The following TENM3 variants were observed in gnomAD, a reference collection of about 807,000 sequenced individuals.
The protein encoded by TENM3 is teneurin transmembrane protein 3.
A neutral mutation model predicts 255.1 loss-of-function variants in TENM3; 63 were observed. That is an observed-to-expected ratio of 0.25 (90% CI 0.20 to 0.30). The LOEUF (loss-of-function observed/expected upper bound fraction) is 0.30. Among genes scored for constraint, TENM3 ranks in the 10% least tolerant of loss-of-function variants. The probability of loss-of-function intolerance (pLI) is 1.00; values close to 1 mark genes in which losing one functional copy is unlikely to be tolerated. For missense variants in TENM3, 2,929 were observed against 3,461.1 expected, an observed-to-expected ratio of 0.85 and a Z score of 3.86; for synonymous variants, 1,306 against 1,322.3, an observed-to-expected ratio of 0.99 and a Z score of 0.27.
the TENM3 span, among the ~76,000 whole-genome samples, chr4:181,582,488 C>T: frequency 1.3e-5 from 2 of 151,824 alleles, no homozygotes; most frequent in African/African-American, 4.8e-5. Context: ...AACAAACAGT[C>T]TCCCACGGTC....
At chr4:182,456,888 A>G (rs1335866704) in intron 3 of TENM3, among the ~76,000 whole-genome samples, 3 of 152,184 alleles carry the variant, frequency 2.0e-5, no homozygotes, top group Non-Finnish European at 2.9e-5. Context: ...TACCTTAAGA[A>G]CAAAAACAGC....
At chr4:181,894,578 G>A in the TENM3 span, among the ~76,000 whole-genome samples, 1 of 152,144 alleles carries the variant, frequency 6.6e-6, no homozygotes, top group Admixed American at 6.6e-5. Context: ...TATTTATAAA[G>A]AGAAGAAGTG....
Position 182,346,773 on chromosome 4 carries a change from G to C in TENM3, c.355G>C (p.Asp119His). ...GYSISAGSDA[D>H]TENEAVMSPE... ...CTCTATCAGTGCAGGGTCAGATGCT[G>C]ATACTGAAAATGAAGCAGTGATGTC... The change falls in exon 3 of 28, where the codon GAT becomes CAT. Residue 119 changes from aspartate to histidine, a missense_variant. Around this residue, in one of 6 missense-constraint regions of TENM3, gnomAD observed 283 missense variants for 256.9 expected, o/e 1.10. Coordinates refer to ENST00000511685, the MANE Select transcript of TENM3 (RefSeq NM_001080477.4). The C allele has an allele frequency of 6.2e-7, 1 of 1,613,608 alleles. No homozygotes were observed. Among genetic ancestry groups the C allele is most frequent in the Admixed American group, 1.7e-5 (1 of 59,974 alleles).
the TENM3 span, among the ~76,000 whole-genome samples, chr4:181,463,064 A>G: frequency 6.6e-6 from 1 of 152,218 alleles, no homozygotes. Flanking sequence ...ACGTGACATA[A>G]TTCATTATCA....
intron 1 of TENM3, among the ~76,000 whole-genome samples, chr4:182,232,500 C>T (rs562447148): frequency 6.6e-6 from 1 of 152,154 alleles, no homozygotes; most frequent in East Asian, 1.9e-4. Flanking sequence ...CCAAGGTGGG[C>T]GGATTACAAG....
At chr4:181,647,874 T>A in the TENM3 span, among the ~76,000 whole-genome samples, 1 of 152,190 alleles carries the variant, frequency 6.6e-6, no homozygotes, top group Non-Finnish European at 1.5e-5. Context: ...ACACAGTGTC[T>A]GTAATTCCAT....
the TENM3 span, among the ~76,000 whole-genome samples, chr4:181,465,187 A>G: frequency 6.6e-6 from 1 of 152,118 alleles, no homozygotes; most frequent in Admixed American, 6.5e-5. Flanking sequence ...TGAAAGAAAA[A>G]AAATTGTACC....
chr4:181,551,309 T>C, the TENM3 span, among the ~76,000 whole-genome samples: 3 of 152,194 alleles, frequency 2.0e-5, no homozygotes, highest in African/African-American at 7.2e-5. Context: ...TTTCTTTTTC[T>C]AGTTACAATT....
the TENM3 span, among the ~76,000 whole-genome samples, chr4:181,583,967 A>G: frequency 6.6e-6 from 1 of 152,338 alleles, no homozygotes; most frequent in South Asian, 2.1e-4. Context: ...CTTTCAAAGC[A>G]GTTATCCATG....
chr4:182,168,260 G>A (rs1207153548), intron 1 of TENM3, among the ~76,000 whole-genome samples: 1 of 151,572 alleles, frequency 6.6e-6, no homozygotes, highest in African/African-American at 2.4e-5. Flanking sequence ...TCAGCCTCCC[G>A]AGTAGCTGGG....
At chr4:182,646,746 A>G (rs1053324885) in intron 5 of TENM3, among the ~76,000 whole-genome samples, 9 of 152,136 alleles carry the variant, frequency 5.9e-5, no homozygotes, top group Admixed American at 2.6e-4. Context: ...CATCTCAAAC[A>G]TACATACATA....
At chr4:182,565,711 C>T (rs969936125) in intron 3 of TENM3, among the ~76,000 whole-genome samples, 1 of 152,140 alleles carries the variant, frequency 6.6e-6, no homozygotes, top group Non-Finnish European at 1.5e-5. Context: ...ACATTTCTTG[C>T]TTGCTATATG....
At chr4:182,469,868 T>C (rs905304622) in intron 3 of TENM3, among the ~76,000 whole-genome samples, 1 of 152,210 alleles carries the variant, frequency 6.6e-6, no homozygotes, top group Admixed American at 6.5e-5. Flanking sequence ...AAATCCTGTT[T>C]TATAACATAA....
At chr4:182,624,929 A>T (rs1294928951) in intron 4 of TENM3, among the ~76,000 whole-genome samples, 2 of 152,194 alleles carry the variant, frequency 1.3e-5, no homozygotes, top group Non-Finnish European at 2.9e-5. Flanking sequence ...ATACGTGGTA[A>T]TACTATGGAG....
chr4:182,544,497 A>G (rs1450527068), intron 3 of TENM3, among the ~76,000 whole-genome samples: 1 of 151,616 alleles, frequency 6.6e-6, no homozygotes, highest in East Asian at 1.9e-4. Flanking sequence ...TGCCTGGCTA[A>G]TTTTTATATT....
intron 1 of TENM3, among the ~76,000 whole-genome samples, chr4:182,165,146 TC>T (rs1751618172): frequency 1.3e-5 from 2 of 152,170 alleles, no homozygotes; most frequent in African/African-American, 4.8e-5. Flanking sequence ...TGGTCATCCT[TC>T]AAGTCCCTTC....
chr4:181,618,241 TAC>T, the TENM3 span, among the ~76,000 whole-genome samples: 3 of 152,112 alleles, frequency 2.0e-5, no homozygotes, highest in Non-Finnish European at 2.9e-5. Context: ...ATCGATGACT[TAC>T]ACCAGTTTCA....
At chr4:182,592,850 T>C (rs773271721) in intron 3 of TENM3, among the ~76,000 whole-genome samples, 5 of 152,218 alleles carry the variant, frequency 3.3e-5, no homozygotes, top group Admixed American at 6.5e-5. Flanking sequence ...AGTAAAGATA[T>C]AGCCAGGAAG....
At chr4:182,693,369 C>T (rs947201207) in intron 12 of TENM3, among the ~76,000 whole-genome samples, 1 of 151,444 alleles carries the variant, frequency 6.6e-6, no homozygotes, top group African/African-American at 2.4e-5. Context: ...TAGAATCTCA[C>T]TCTGTCGCCC....
Sources: allele counts gnomAD v4.1 joint callset (sites outside exome capture counted in the v4.1 genomes callset), GRCh38; gene constraint gnomAD v4.1.1; regional missense constraint gnomAD v4.1.1; transcripts MANE v1.5; gene names NCBI Gene and HGNC (gene_info 2026-07-23, HGNC 2026-07-21).